LCT: variants seen among roughly 807,000 people sequenced by gnomAD.
The protein encoded by LCT is lactase/phlorizin hydrolase.
A neutral mutation model predicts 173.0 loss-of-function variants in LCT; 90 were observed. The ratio of observed to expected loss-of-function variants is 0.52; its 90% CI spans 0.44 to 0.62. LCT has a LOEUF of 0.62. Ranked by LOEUF, LCT falls within the 20% of genes least tolerant of loss-of-function variation. The pLI, the probability that LCT is intolerant of heterozygous loss-of-function variation, is 0.00. For synonymous variants in LCT, 853 were observed against 957.6 expected (o/e 0.89, Z 2.02); for missense variants, 1,864 against 2,431.4 (o/e 0.77, Z 4.91).
At chr2:135,831,455 G>T (rs1174389769) in intron 2 of LCT, among the ~76,000 whole-genome samples, 1 of 152,164 alleles carries the variant, frequency 6.6e-6, no homozygotes, top group Non-Finnish European at 1.5e-5. Context: ...CGGAAGTGTG[G>T]CTTCCCAGCA....
In LCT at chr2:135,788,255, G is replaced by A; in HGVS notation, c.*69C>T. 1 of 1,092,358 alleles carries A rather than the reference G, an allele frequency of 9.2e-7. No individual in the cohort carries two copies. Among genetic ancestry groups the A allele is most frequent in the South Asian group, 1.2e-5 (1 of 80,574 alleles). 67.7% of individuals were successfully genotyped at this position (1,092,358 alleles called of 1,614,324 possible). ...TATCAGCAGAGTCTAAGACCCTAAG[G>A]TGTTTGGTGGCCGGTAAACATAGAT... On this transcript the variant is annotated 3_prime_UTR_variant, in exon 17 of 17. Coordinates refer to ENST00000264162, the MANE Select transcript of LCT (RefSeq NM_002299.4).
chr2:135,807,179 G>C lies in LCT; in HGVS notation c.4122C>G (p.Tyr1374Ter). The change falls in exon 9 of 17, where the codon TAC becomes TAG. Residue 1374 changes from tyrosine to a stop codon, truncating the protein, a stop_gained. Transcript: ENST00000264162. LOFTEE classifies it high-confidence loss of function. ...MPLAREDEFL[Y>*]GRFPEGFIWS... ...AGATGAAGCCCTCAGGAAACCGTCC[G>C]TACAGAAACTCATCCTCCCTGGCCA... The C allele has an allele frequency of 6.2e-7, 1 of 1,614,208 alleles. No homozygotes were observed. The highest frequency in any genetic ancestry group is 8.5e-7 in the Non-Finnish European group (1 of 1,180,032).
chr2:135,811,252 T>C (rs1377147929), intron 7 of LCT, among the ~76,000 whole-genome samples: 1 of 152,048 alleles, frequency 6.6e-6, no homozygotes, highest in Non-Finnish European at 1.5e-5. Flanking sequence ...TATTCCCTGA[T>C]ACAGTGCATT....
Position 135,812,482 on chromosome 2 carries a change from C to A in LCT, c.2182G>T (p.Val728Leu). The stretch of plus-strand genomic sequence containing the variant: ...AACAGCCTCCTTATCCCCCAGGGCA[C>A]CACACGAATCCAAGAGGATGAGGTC... ...PQTSSSWIRV[V>L]PWGIRRLLQF... The change falls in exon 7 of 17, where the codon GTG (valine) becomes TTG (leucine). Residue 728 changes from valine to leucine, a missense_variant. By Grantham distance (32) the Val-to-Leu change is conservative. Around this residue, in one of 4 missense-constraint regions of LCT, gnomAD observed 755 missense variants for 926.3 expected, o/e 0.82. Coordinates refer to ENST00000264162, the MANE Select transcript of LCT (RefSeq NM_002299.4). 1.9e-6 allele frequency: 3 copies of A among 1,614,234 alleles called. No homozygotes were observed. Among genetic ancestry groups the A allele is most frequent in the Non-Finnish European group, 2.5e-6 (3 of 1,180,040 alleles).
intron 1 of LCT, among the ~76,000 whole-genome samples, chr2:135,835,121 A>T (rs2077975336): frequency 6.6e-6 from 1 of 151,684 alleles, no homozygotes. Flanking sequence ...TGTCATTGCA[A>T]CATAACTTGT....
intron 7 of LCT, among the ~76,000 whole-genome samples, chr2:135,811,677 T>C (rs1161141854): frequency 2.7e-5 from 4 of 146,218 alleles, no homozygotes; most frequent in African/African-American, 7.7e-5. Flanking sequence ...TTCCAGTCTA[T>C]GTGACAAAGC....
At position 135,788,270 on chromosome 2, in the gene LCT, T is replaced by G; in HGVS notation, c.*54A>C. The G allele has an allele frequency of 1.5e-6, 2 of 1,329,298 alleles. No individual in the cohort carries two copies. Among genetic ancestry groups the G allele is most frequent in the Non-Finnish European group, 2.2e-6 (2 of 929,300 alleles). The allele number at this position is 1,329,298 out of a possible 1,614,324, so 82.3% of individuals were successfully genotyped here. A position where few individuals can be genotyped will look rare whatever the true frequency, so the allele number is the denominator to read the frequency against. ...AGACCCTAAGGTGTTTGGTGGCCGG[T>G]AAACATAGATGAAGAAACTAGGCCT... On this transcript the variant is annotated 3_prime_UTR_variant, in exon 17 of 17. Coordinates refer to ENST00000264162, the MANE Select transcript of LCT (RefSeq NM_002299.4).
At chr2:135,823,833 A>C (rs2077858967) in intron 4 of LCT, 68 bp downstream of exon 4, 10 of 1,097,946 alleles carry the variant, frequency 9.1e-6, no homozygotes, top group Non-Finnish European at 1.4e-5. Flanking sequence ...CCGGACTTTC[A>C]AGACTGCTAC....
intron 13 of LCT, among the ~76,000 whole-genome samples, chr2:135,797,527 C>T (rs1431093333): frequency 6.6e-6 from 1 of 152,168 alleles, no homozygotes; most frequent in Admixed American, 6.5e-5. Context: ...CTAATCTTTG[C>T]GCCTCACTTT....
intron 14 of LCT, among the ~76,000 whole-genome samples, chr2:135,792,372 G>A (rs1173535017): frequency 6.6e-6 from 1 of 152,194 alleles, no homozygotes. Flanking sequence ...ATTTCAACTA[G>A]AAGCATGAAT....
At position 135,794,703 on chromosome 2, in the gene LCT, G is replaced by A; in HGVS notation, c.5049C>T (p.Tyr1683=). The stretch of plus-strand genomic sequence containing the variant: ...TGAGGTTGTAGGCGAGGACAGTGGT[G>A]TAGTGATTGAACCCAAAAAAGTCAT... ...GTYDFFGFNH[Y]TTVLAYNLNY... The change falls in exon 14 of 17, where the codon TAC becomes TAT. Residue 1683 remains tyrosine, a synonymous_variant. Transcript: ENST00000264162. 1 of 1,614,044 alleles carries A rather than the reference G, an allele frequency of 6.2e-7. No individual in the cohort carries two copies. Among genetic ancestry groups the A allele is most frequent in the Non-Finnish European group, 8.5e-7 (1 of 1,179,880 alleles).
intron 1 of LCT, among the ~76,000 whole-genome samples, chr2:135,833,393 T>C (rs1488589678): frequency 2.1e-5 from 3 of 143,000 alleles, no homozygotes; most frequent in South Asian, 2.4e-4. Context: ...GACTATGAAA[T>C]GCAGAGCAGT....
intron 16 of LCT, 58 bp downstream of exon 16, chr2:135,789,513 G>A: frequency 1.7e-6 from 2 of 1,192,284 alleles, no homozygotes; most frequent in Admixed American, 1.7e-5. Context: ...GACTGAGAGA[G>A]GCCCTTCCAC....
intron 1 of LCT, 126 bp downstream of exon 1, chr2:135,836,404 T>C (rs949178193): frequency 2.2e-5 from 19 of 872,248 alleles, no homozygotes; most frequent in African/African-American, 3.3e-5. Context: ...AATTTCTCCC[T>C]ATGCACAGAC....
chr2:135,788,596 T>C, intron 16 of LCT, 52 bp from the exon 17 acceptor site: 1 of 1,181,450 alleles, frequency 8.5e-7, no homozygotes, highest in Non-Finnish European at 1.3e-6. Flanking sequence ...ATTTGAGTTC[T>C]CAGATCTCTG....
intron 5 of LCT, among the ~76,000 whole-genome samples, chr2:135,819,608 C>T (rs567778864): frequency 5.9e-5 from 9 of 152,298 alleles, no homozygotes; most frequent in Admixed American, 3.3e-4. Context: ...CAGCAGGAGG[C>T]GTCTTCCGAA....
Position 135,836,524 on chromosome 2 carries a change from A to G in LCT, c.640+6T>C, listed in dbSNP as rs754985745. On this transcript the variant is annotated splice_donor_region_variant and intron_variant, in intron 1 of 16. Transcript: ENST00000264162. Reference sequence around the variant, plus strand: ...AGGGGTCACCATCAGGTCAATGTGTACTCACCCTGAAAAGCATAGCTTTCG... The same window carrying G: ...AGGGGTCACCATCAGGTCAATGTGTGCTCACCCTGAAAAGCATAGCTTTCG... 1.9e-6 allele frequency: 3 copies of G among 1,613,164 alleles called. No individual in the cohort carries two copies. The highest frequency in any genetic ancestry group is 2.5e-6 in the Non-Finnish European group (3 of 1,179,392).
chr2:135,803,639 C>G (rs576229888), intron 11 of LCT, among the ~76,000 whole-genome samples: 1 of 152,348 alleles, frequency 6.6e-6, no homozygotes, highest in East Asian at 1.9e-4. Flanking sequence ...GCCTGACAAA[C>G]TGTCCTTCCC....
At chr2:135,803,111 CA>C (rs946588493) in intron 11 of LCT, among the ~76,000 whole-genome samples, 1 of 151,156 alleles carries the variant, frequency 6.6e-6, no homozygotes, top group Non-Finnish European at 1.5e-5. Flanking sequence ...GACTCTGTCT[CA>C]AAAAAATAAA....
Sources: gnomAD v4.1 joint callset for allele counts (sites outside exome capture counted in the v4.1 genomes callset) on GRCh38, gnomAD v4.1.1 for gene constraint, gnomAD v4.1.1 regional missense constraint, MANE v1.5 for transcripts, NCBI Gene and HGNC (gene_info 2026-07-23, HGNC 2026-07-21) for gene names.